Variants in NCOA2 observed in about 807,000 individuals in gnomAD.
The protein encoded by NCOA2 is class E basic helix-loop-helix protein 75.
Under a neutral mutation model 145.1 loss-of-function variants are expected in NCOA2, and 21 were observed. That is an observed-to-expected ratio of 0.14 (90% CI 0.10 to 0.21). NCOA2 has a LOEUF of 0.21. NCOA2 is among the 10% of genes least tolerant of loss of function. NCOA2 has a pLI of 1.00. For missense variants in NCOA2, 1,472 were observed against 1,837.6 expected (o/e 0.80, Z 3.64); for synonymous variants, 619 against 637.5 (o/e 0.97, Z 0.44).
intron 1 of NCOA2, among the ~76,000 whole-genome samples, chr8:70,359,832 G>C (rs773356892): frequency 6.6e-6 from 1 of 152,012 alleles, no homozygotes; most frequent in Admixed American, 6.6e-5. Flanking sequence ...TAAACACTGA[G>C]GTAATCACTC....
chr8:70,239,741 AAG>A (rs1489494217), intron 2 of NCOA2, among the ~76,000 whole-genome samples: 1 of 152,210 alleles, frequency 6.6e-6, no homozygotes, highest in East Asian at 1.9e-4. Context: ...TGGGATAATT[AAG>A]AGAGAGAATT....
At chr8:70,317,355 G>A (rs1805676647) in intron 1 of NCOA2, among the ~76,000 whole-genome samples, 1 of 152,102 alleles carries the variant, frequency 6.6e-6, no homozygotes. Flanking sequence ...TGTCGTGAGA[G>A]GATAAACTGG....
At chr8:70,176,240 G>A (rs1247580496) in intron 4 of NCOA2, among the ~76,000 whole-genome samples, 1 of 152,154 alleles carries the variant, frequency 6.6e-6, no homozygotes, top group African/African-American at 2.4e-5. Context: ...TAATTTCTCT[G>A]CAGAGCTTAT....
intron 1 of NCOA2, among the ~76,000 whole-genome samples, chr8:70,321,793 CTTTTTTTTTTTTTTTT>C (rs559680322): frequency 0.014 from 1,023 of 73,590 alleles, 24 homozygotes; most frequent in Non-Finnish European, 0.017. Flanking sequence ...CAGAATATAC[CTTTTTTTTTTTTTTTT>C]TTTTTTTTTT....
chr8:70,226,177 C>A (rs535266658), intron 2 of NCOA2, among the ~76,000 whole-genome samples: 1 of 151,870 alleles, frequency 6.6e-6, no homozygotes, highest in African/African-American at 2.4e-5. Flanking sequence ...ATGGGCATTA[C>A]GGATGTAATT....
intron 1 of NCOA2, among the ~76,000 whole-genome samples, chr8:70,377,117 C>T (rs1428937893): frequency 6.6e-6 from 1 of 151,004 alleles, no homozygotes; most frequent in East Asian, 1.9e-4. Context: ...AACAAAAGTG[C>T]TTTATGTATT....
rs761048035 is a variant in NCOA2, at chr8:70,204,017, C to CT, written c.259+9885dup. Among the ~76,000 whole-genome samples, 1,322 of 144,998 alleles carry CT rather than the reference C, an allele frequency of 9.1e-3. 6 individuals carry two copies. The highest frequency in any genetic ancestry group is 0.018 in the Middle Eastern group (5 of 284). On this transcript the variant is annotated intron_variant, in intron 4 of 22. Transcript: ENST00000452400. ...ATAAAATACTTCTTTTCATAGGATT[C>CT]TTTTTTTTTTTTAAGATGAGGTCTC...
intron 1 of NCOA2, among the ~76,000 whole-genome samples, chr8:70,346,820 A>G (rs561670218): frequency 1.3e-5 from 2 of 152,334 alleles, no homozygotes; most frequent in African/African-American, 2.4e-5. Flanking sequence ...TGCTTAATGT[A>G]ATTTCCATAT....
At chr8:70,378,003 A>C (rs1811832074) in intron 1 of NCOA2, among the ~76,000 whole-genome samples, 1 of 152,244 alleles carries the variant, frequency 6.6e-6, no homozygotes, top group African/African-American at 2.4e-5. Flanking sequence ...GGGTTTGAGA[A>C]GGAAGCAGAA....
At chr8:70,169,479 T>C (rs2132608632) in intron 6 of NCOA2, among the ~76,000 whole-genome samples, 1 of 152,344 alleles carries the variant, frequency 6.6e-6, no homozygotes. Context: ...TATAATATGC[T>C]TCATGTGCAG....
chr8:70,418,643 T>C, the NCOA2 span, among the ~76,000 whole-genome samples: 3 of 152,212 alleles, frequency 2.0e-5, no homozygotes, highest in Non-Finnish European at 2.9e-5. Context: ...GTCAATTACA[T>C]TGGACTGCTT....
At chr8:70,330,187 A>G (rs182627178) in intron 1 of NCOA2, among the ~76,000 whole-genome samples, 1 of 149,438 alleles carries the variant, frequency 6.7e-6, no homozygotes, top group African/African-American at 2.5e-5. Flanking sequence ...ATTATAAAAC[A>G]CTCAATAAAT....
intron 1 of NCOA2, among the ~76,000 whole-genome samples, chr8:70,324,730 A>G (rs1806401207): frequency 1.3e-5 from 2 of 152,218 alleles, no homozygotes; most frequent in African/African-American, 4.8e-5. Context: ...AGATTTTGCT[A>G]TCCTTGGGAC....
At chr8:70,378,642 T>G (rs995796091) in intron 1 of NCOA2, among the ~76,000 whole-genome samples, 1 of 151,000 alleles carries the variant, frequency 6.6e-6, no homozygotes, top group Non-Finnish European at 1.5e-5. Context: ...TGAAGCTCAA[T>G]GTATTTGAAA....
intron 1 of NCOA2, among the ~76,000 whole-genome samples, chr8:70,311,342 T>A (rs564261305): frequency 6.6e-6 from 1 of 152,304 alleles, no homozygotes; most frequent in Admixed American, 6.5e-5. Context: ...AATGAAGCAG[T>A]AACAGAATTA....
intron 1 of NCOA2, among the ~76,000 whole-genome samples, chr8:70,320,721 C>G (rs903498696): frequency 6.6e-6 from 1 of 152,042 alleles, no homozygotes; most frequent in Non-Finnish European, 1.5e-5. Flanking sequence ...AACAGGTAAT[C>G]TGATACTCTG....
chr8:70,289,878 G>A (rs1024912295), intron 2 of NCOA2, among the ~76,000 whole-genome samples: 3 of 151,944 alleles, frequency 2.0e-5, no homozygotes, highest in African/African-American at 7.3e-5. Flanking sequence ...AAGCTGGGGT[G>A]CAGTGGCTAT....
At chr8:70,121,529 T>C in intron 21 of NCOA2, 138 bp from the exon 22 acceptor site, 4 of 640,580 alleles carry the variant, frequency 6.2e-6, no homozygotes, top group Non-Finnish European at 8.5e-6. Context: ...AATGGCCTCA[T>C]CCTACACAAG....
At chr8:70,248,827 C>G (rs1408039009) in intron 2 of NCOA2, among the ~76,000 whole-genome samples, 1 of 150,890 alleles carries the variant, frequency 6.6e-6, no homozygotes, top group African/African-American at 2.4e-5. Context: ...TTGGCCGAAT[C>G]TAGTGTGCAG....
Sources: allele counts gnomAD v4.1 joint callset (sites outside exome capture counted in the v4.1 genomes callset), GRCh38; gene constraint gnomAD v4.1.1; transcripts MANE v1.5; gene names NCBI Gene and HGNC (gene_info 2026-07-23, HGNC 2026-07-21).